The following SEMA3A variants were observed in gnomAD, a reference collection of about 807,000 sequenced individuals.
SEMA3A encodes semaphorin 3A.
A neutral mutation model predicts 97.9 loss-of-function variants in SEMA3A; 29 were observed. The observed-to-expected ratio is 0.30, with a 90% CI of 0.22 to 0.40. SEMA3A has a LOEUF of 0.40. SEMA3A is among the 10% of genes least tolerant of loss of function. The pLI, the probability that SEMA3A is intolerant of heterozygous loss-of-function variation, is 1.00. For synonymous variants in SEMA3A, 321 were observed against 323.7 expected (o/e 0.99, Z 0.09); for missense variants, 763 against 951.3 (o/e 0.80, Z 2.60).
intron 1 of SEMA3A, among the ~76,000 whole-genome samples, chr7:84,153,210 T>C (rs2116133094): frequency 6.6e-6 from 1 of 152,296 alleles, no homozygotes; most frequent in Admixed American, 6.5e-5. Context: ...ATGAAAGTCT[T>C]GATTCAGGTA....
intron 1 of SEMA3A, among the ~76,000 whole-genome samples, chr7:84,480,276 T>C (rs560644737): frequency 1.3e-5 from 2 of 152,214 alleles, no homozygotes; most frequent in African/African-American, 2.4e-5. Flanking sequence ...TGGATTTTGA[T>C]TGCAGAAGGA....
rs563136646 is a variant in SEMA3A at position 84,021,352 on chromosome 7, C to T, written c.668-7001G>A. 6.2e-4 allele frequency among the ~76,000 whole-genome samples: 95 copies of T among 152,282 alleles called. 2 individuals are homozygous for T. Among genetic ancestry groups the T allele is most frequent in the Non-Finnish European group, 9.4e-4 (64 of 68,026 alleles). On this transcript the variant is annotated intron_variant, in intron 6 of 16. Coordinates refer to ENST00000265362, the MANE Select transcript of SEMA3A (RefSeq NM_006080.3). ...TATCTGCATTTTCATATTTGTCTTACGACAGGCATTTGCCCTATATTTCTC... is the reference window on the plus strand; with the variant it reads ...TATCTGCATTTTCATATTTGTCTTATGACAGGCATTTGCCCTATATTTCTC...
intron 1 of SEMA3A, among the ~76,000 whole-genome samples, chr7:84,469,696 T>A (rs1422621223): frequency 1.3e-5 from 2 of 152,114 alleles, no homozygotes; most frequent in African/African-American, 4.8e-5. Context: ...ATCATTCTTC[T>A]AATGAATATT....
chr7:84,086,489 T>C (rs1562770018), intron 4 of SEMA3A, among the ~76,000 whole-genome samples: 1 of 59,538 alleles, frequency 1.7e-5, no homozygotes. Context: ...ATATTATATT[T>C]ACATATAATA....
chr7:84,471,989 G>C (rs1185633500), intron 1 of SEMA3A, among the ~76,000 whole-genome samples: 7 of 151,172 alleles, frequency 4.6e-5, no homozygotes, highest in Non-Finnish European at 7.4e-5. Context: ...GCATTGACCT[G>C]ACACTGATCG....
At chr7:84,199,561 T>G (rs975630085), upstream of SEMA3A, among the ~76,000 whole-genome samples, 1 of 150,746 alleles carries the variant, frequency 6.6e-6, no homozygotes, top group Non-Finnish European at 1.5e-5. Flanking sequence ...ACATCTGTTA[T>G]TTCCGTTTTT....
intron 15 of SEMA3A, among the ~76,000 whole-genome samples, chr7:83,973,013 A>C (rs2116291552): frequency 6.6e-6 from 1 of 152,300 alleles, no homozygotes; most frequent in African/African-American, 2.4e-5. Context: ...TATCTCTGAT[A>C]TCAGAATGTG....
chr7:84,091,277 AAAG>A (rs1466521770), intron 4 of SEMA3A, among the ~76,000 whole-genome samples: 3 of 129,984 alleles, frequency 2.3e-5, no homozygotes, highest in East Asian at 2.3e-4. Flanking sequence ...AAAAGAAAGA[AAAG>A]AAAGAAAGAA....
chr7:84,181,422 A>T (rs1034149974), intron 1 of SEMA3A, among the ~76,000 whole-genome samples: 7 of 151,634 alleles, frequency 4.6e-5, no homozygotes, highest in Admixed American at 4.0e-4. Flanking sequence ...GGATTTTTTT[A>T]AAAGATAAAA....
chr7:84,008,381 C>G (rs1790750452), intron 9 of SEMA3A, among the ~76,000 whole-genome samples: 2 of 150,872 alleles, frequency 1.3e-5, no homozygotes, highest in Non-Finnish European at 2.9e-5. Context: ...GTCCCAGCTA[C>G]TCGGGAGGCT....
intron 13 of SEMA3A, among the ~76,000 whole-genome samples, chr7:83,984,607 G>GC (rs1554384751): frequency 4.8e-5 from 3 of 61,882 alleles, no homozygotes; most frequent in African/African-American, 1.8e-4. Context: ...GGATTTTTCT[G>GC]CTTTTTTTTT....
chr7:84,334,792 A>C, intron 2 of SEMA3A, among the ~76,000 whole-genome samples: 1 of 149,544 alleles, frequency 6.7e-6, no homozygotes. Context: ...TCTCACTCAC[A>C]ACCCCTGCCC....
intron 5 of SEMA3A, among the ~76,000 whole-genome samples, chr7:84,050,743 G>T (rs1279616078): frequency 2.0e-5 from 3 of 152,140 alleles, no homozygotes; most frequent in Non-Finnish European, 4.4e-5. Context: ...TTTGGCTTTT[G>T]TTGCCATGGC....
chr7:84,343,503 A>G (rs1340935650), intron 2 of SEMA3A, among the ~76,000 whole-genome samples: 3 of 152,240 alleles, frequency 2.0e-5, no homozygotes, highest in Admixed American at 2.0e-4. Context: ...AATTTAATTC[A>G]GCCAGTTTCT....
chr7:84,154,998 T>C (rs1317434638), intron 1 of SEMA3A, among the ~76,000 whole-genome samples: 2 of 152,168 alleles, frequency 1.3e-5, no homozygotes, highest in African/African-American at 4.8e-5. Flanking sequence ...CTAAAGTGCT[T>C]GGGTCCAAAT....
chr7:84,405,753 A>G (rs1804065593), intron 1 of SEMA3A, among the ~76,000 whole-genome samples: 2 of 152,046 alleles, frequency 1.3e-5, no homozygotes, highest in Admixed American at 1.3e-4. Flanking sequence ...ACTCAAAACC[A>G]CTCAACTACA....
chr7:84,306,220 C>A (rs1354534235), intron 3 of SEMA3A, among the ~76,000 whole-genome samples: 1 of 151,260 alleles, frequency 6.6e-6, no homozygotes, highest in Non-Finnish European at 1.5e-5. Context: ...TATATTTTTT[C>A]ATAAATTTTT....
chr7:84,125,720 A>G (rs1465348084), intron 3 of SEMA3A, among the ~76,000 whole-genome samples: 1 of 152,184 alleles, frequency 6.6e-6, no homozygotes, highest in Non-Finnish European at 1.5e-5. Flanking sequence ...GCAAAGATAG[A>G]GAGGGAGAGA....
chr7:84,314,886 T>G (rs1261439780), intron 2 of SEMA3A, among the ~76,000 whole-genome samples: 1 of 152,130 alleles, frequency 6.6e-6, no homozygotes, highest in Non-Finnish European at 1.5e-5. Context: ...TCTTTAAATA[T>G]AAATGGGAGG....
Sources: allele counts gnomAD v4.1 joint callset (sites outside exome capture counted in the v4.1 genomes callset), GRCh38; gene constraint gnomAD v4.1.1; transcripts MANE v1.5; gene names NCBI Gene and HGNC (gene_info 2026-07-23, HGNC 2026-07-21).